The following ATP10B variants were observed in gnomAD, a reference collection of about 807,000 sequenced individuals.
ATP10B encodes the protein phospholipid-transporting ATPase VB.
In ATP10B, 122 loss-of-function variants were observed where a neutral mutation model predicts 141.2. The ratio of observed to expected loss-of-function variants is 0.86; its 90% CI spans 0.75 to 1.00. ATP10B has a LOEUF of 1.00. ATP10B is among the 50% of genes least tolerant of loss of function. The pLI is 0.00. For missense variants in ATP10B, 1,876 were observed against 1,825.3 expected (o/e 1.03, Z -0.51); for synonymous variants, 685 against 692.0 (o/e 0.99, Z 0.16).
At position 160,709,854 on chromosome 5, in the gene ATP10B, T is replaced by C. The variant is rs1262121263; in HGVS notation, c.-205+7055A>G. 4.5e-3 allele frequency among the ~76,000 whole-genome samples: 510 copies of C among 113,092 alleles called. 2 individuals carry two copies. The highest frequency in any genetic ancestry group is 7.6e-3 in the Non-Finnish European group (426 of 56,108). The allele number at this position is 113,092 out of a possible 152,430, so 74.2% of individuals were successfully genotyped here. A position where few individuals can be genotyped will look rare whatever the true frequency, so the allele number is the denominator to read the frequency against. On this transcript the variant is annotated intron_variant, in intron 3 of 25. Coordinates refer to ENST00000327245, the MANE Select transcript of ATP10B (RefSeq NM_025153.3). ...CAATTCCCACCTATGAGTGAGAATA[T>C]GCGGTGTTTGGTTTTTTGTTCTTGC...
At chr5:160,854,459 G>A (rs765690327), upstream of ATP10B, among the ~76,000 whole-genome samples, 9 of 152,056 alleles carry the variant, frequency 5.9e-5, no homozygotes, top group African/African-American at 9.7e-5. Context: ...TGCTAAAAAT[G>A]ATGGCTTCCA....
Position 160,587,843 on chromosome 5 carries a change from T to A in ATP10B, c.3750+1749A>T, listed in dbSNP as rs142247678. On this transcript the variant is annotated intron_variant, in intron 24 of 25. Coordinates refer to ENST00000327245, the MANE Select transcript of ATP10B (RefSeq NM_025153.3). Reference sequence around the variant, plus strand: ...GGAGTTTTTGGGCTTAGATAATCTTTTATTTTTTCTTTTGAGATGGAGTCC... The same window carrying A: ...GGAGTTTTTGGGCTTAGATAATCTTATATTTTTTCTTTTGAGATGGAGTCC... Among the ~76,000 whole-genome samples, 3 of 151,762 alleles carry A rather than the reference T, an allele frequency of 2.0e-5. No individual in the cohort carries two copies. In the East Asian group the frequency reaches 5.8e-4, roughly 29 times the overall value.
In ATP10B at chr5:160,632,219, A is replaced by C; in HGVS notation, c.1530T>G (p.Ser510Arg). 6.2e-7 allele frequency: 1 copy of C among 1,614,064 alleles called. No individual in the cohort carries two copies. The highest frequency in any genetic ancestry group is 8.5e-7 in the Non-Finnish European group (1 of 1,180,018). The change falls in exon 13 of 26, where the codon AGT (serine) becomes AGG (arginine). Residue 510 changes from serine (S) to arginine (R), a missense_variant. Ser to Arg is a moderately radical substitution (Grantham distance 110). Coordinates refer to ENST00000327245, the MANE Select transcript of ATP10B (RefSeq NM_025153.3). ...KGAQPLRRSQ[S>R]ARVPIQGHYR... ...AGTGGCCCTGGATGGGCACCCGGGC[A>C]CTCTGGCTCCTCCTCAGAGGCTGAG...
chr5:160,595,630 T>C (rs1468346505), intron 22 of ATP10B, among the ~76,000 whole-genome samples: 1 of 151,884 alleles, frequency 6.6e-6, no homozygotes, highest in Non-Finnish European at 1.5e-5. Context: ...ATCAACAAAA[T>C]TGAGAGACTG....
intron 5 of ATP10B, among the ~76,000 whole-genome samples, chr5:160,687,229 C>A (rs28649625): frequency 0.23 from 35,679 of 152,102 alleles, 5,070 homozygotes; most frequent in East Asian, 0.69. Context: ...AAACTAATGT[C>A]TGTCTCTTTT....
intron 11 of ATP10B, 24 bp downstream of exon 11, chr5:160,636,158 C>T (rs759346039): frequency 6.3e-7 from 1 of 1,576,050 alleles, no homozygotes; most frequent in Admixed American, 1.9e-5. Context: ...CTTATTGGGC[C>T]CCTAGTTAGG....
chr5:160,850,392 C>A (rs564295909), intron 1 of ATP10B, among the ~76,000 whole-genome samples: 4 of 152,146 alleles, frequency 2.6e-5, no homozygotes, highest in Non-Finnish European at 5.9e-5. Flanking sequence ...CCACTGCACG[C>A]CAGCCTGGGT....
In ATP10B at chr5:160,569,696, A is replaced by T. The variant is rs1754758111; in HGVS notation, c.3751-13T>A. The T allele has an allele frequency of 6.5e-7, 1 of 1,540,080 alleles. No individual in the cohort carries two copies. The highest frequency in any genetic ancestry group is 8.7e-7 in the Non-Finnish European group (1 of 1,145,848). On this transcript the variant is annotated splice_polypyrimidine_tract_variant and intron_variant, in intron 24 of 25. Coordinates refer to ENST00000327245, the MANE Select transcript of ATP10B (RefSeq NM_025153.3). ...CGTGGAAAATGGTCTGTGGAGGGAAATAAGCAAACACTGTTGAAGGTATAG... is the reference window on the plus strand; with the variant it reads ...CGTGGAAAATGGTCTGTGGAGGGAATTAAGCAAACACTGTTGAAGGTATAG...
At chr5:160,880,671 GAGCAAA>G in the ATP10B span, among the ~76,000 whole-genome samples, 1 of 152,102 alleles carries the variant, frequency 6.6e-6, no homozygotes, top group Non-Finnish European at 1.5e-5. Context: ...TTTGACAAAT[GAGCAAA>G]TATAATACAA....
chr5:160,731,829 T>C (rs1766762063), intron 2 of ATP10B, among the ~76,000 whole-genome samples: 1 of 152,148 alleles, frequency 6.6e-6, no homozygotes. Context: ...CAAACAAATA[T>C]TTGAACTAAG....
intron 1 of ATP10B, among the ~76,000 whole-genome samples, chr5:160,817,105 C>G (rs1489479634): frequency 6.6e-6 from 1 of 152,158 alleles, no homozygotes; most frequent in Non-Finnish European, 1.5e-5. Flanking sequence ...GACAGGGATG[C>G]CCTCTCTCAC....
chr5:160,810,761 T>TG (rs1263671600), intron 1 of ATP10B, among the ~76,000 whole-genome samples: 1 of 152,214 alleles, frequency 6.6e-6, no homozygotes, highest in Non-Finnish European at 1.5e-5. Flanking sequence ...GATTTCCTTA[T>TG]GGATTGTAAT....
rs569288619 is a variant in ATP10B, at chr5:160,796,386, T to C, written c.-575-10583A>G. Among the ~76,000 whole-genome samples, 2 of 152,276 alleles carry C rather than the reference T, an allele frequency of 1.3e-5. 1 individual carries two copies. Among genetic ancestry groups the C allele is most frequent in the African/African-American group, 4.8e-5 (2 of 41,552 alleles). On this transcript the variant is annotated intron_variant, in intron 1 of 25. Transcript: ENST00000327245. Reference sequence around the variant, plus strand: ...AACGTTGTGAAAACATTAACATTGATAATAGTAGTAGGAAGGGTAACAGTA... The same window carrying C: ...AACGTTGTGAAAACATTAACATTGACAATAGTAGTAGGAAGGGTAACAGTA...
At chr5:160,836,765 C>A (rs1056520475) in intron 1 of ATP10B, among the ~76,000 whole-genome samples, 5 of 151,996 alleles carry the variant, frequency 3.3e-5, no homozygotes, top group Admixed American at 2.6e-4. Flanking sequence ...CCATGCATAA[C>A]CTTCAAAGCT....
chr5:160,926,966 T>G, the ATP10B span, among the ~76,000 whole-genome samples: 2 of 152,370 alleles, frequency 1.3e-5, no homozygotes, highest in African/African-American at 4.8e-5. Context: ...TCTACATCAC[T>G]GTCACACTAA....
chr5:160,756,619 A>G (rs1441720252), intron 2 of ATP10B, among the ~76,000 whole-genome samples: 2 of 152,128 alleles, frequency 1.3e-5, no homozygotes, highest in Non-Finnish European at 2.9e-5. Context: ...CTTATAGACT[A>G]ACAATGTTGC....
chr5:160,897,407 CAG>C, the ATP10B span, among the ~76,000 whole-genome samples: 111 of 152,278 alleles, frequency 7.3e-4, no homozygotes, highest in South Asian at 0.019. Flanking sequence ...AACAGACAAA[CAG>C]AGAGCCAAAT....
At chr5:160,848,219 G>C (rs139782740) in intron 1 of ATP10B, among the ~76,000 whole-genome samples, 28 of 152,278 alleles carry the variant, frequency 1.8e-4, no homozygotes, top group African/African-American at 6.7e-4. Flanking sequence ...ATGCTATTGA[G>C]AAGGCCACAC....
intron 13 of ATP10B, among the ~76,000 whole-genome samples, chr5:160,625,940 G>T (rs531190018): frequency 6.6e-6 from 1 of 152,142 alleles, no homozygotes. Context: ...AAAGGCCTTC[G>T]CTGTAAAAGG....
Sources: allele counts gnomAD v4.1 joint callset (sites outside exome capture counted in the v4.1 genomes callset), GRCh38; gene constraint gnomAD v4.1.1; transcripts MANE v1.5; gene names NCBI Gene and HGNC (gene_info 2026-07-23, HGNC 2026-07-21).